ATRNL1: variants seen among roughly 807,000 people sequenced by gnomAD.
The protein encoded by ATRNL1 is attractin like 1, also known as attractin-like protein 1.
In ATRNL1, 95 loss-of-function variants were observed where a neutral mutation model predicts 182.7. The observed-to-expected ratio is 0.52, with a 90% CI of 0.44 to 0.62. The LOEUF is 0.62. ATRNL1 is among the 20% of genes least tolerant of loss of function. The pLI is 0.00. For missense variants in ATRNL1, 1,471 were observed against 1,679.5 expected, an observed-to-expected ratio of 0.88 and a Z score of 2.17; for synonymous variants, 576 against 568.3, an observed-to-expected ratio of 1.01 and a Z score of -0.19.
intron 28 of ATRNL1, among the ~76,000 whole-genome samples, chr10:115,854,386 A>C (rs918636583): frequency 6.6e-6 from 1 of 152,088 alleles, no homozygotes; most frequent in Non-Finnish European, 1.5e-5. Flanking sequence ...CCCACTTAGA[A>C]TTCACTTAGT....
At chr10:115,373,257 G>A (rs1196397849) in intron 19 of ATRNL1, among the ~76,000 whole-genome samples, 1 of 151,952 alleles carries the variant, frequency 6.6e-6, no homozygotes, top group Non-Finnish European at 1.5e-5. Context: ...ATTTCTAATG[G>A]GTTTTTGGTG....
chr10:115,666,724 T>A (rs137898703), intron 26 of ATRNL1, among the ~76,000 whole-genome samples: 17 of 152,204 alleles, frequency 1.1e-4, no homozygotes, highest in African/African-American at 3.9e-4. Flanking sequence ...AAATCCTCAG[T>A]AGGCACAGTA....
chr10:115,667,567 G>A (rs1439792181), intron 26 of ATRNL1, among the ~76,000 whole-genome samples: 2 of 151,974 alleles, frequency 1.3e-5, no homozygotes, highest in Admixed American at 1.3e-4. Flanking sequence ...GGTTCAAGAG[G>A]AGGAAAGTAC....
intron 27 of ATRNL1, among the ~76,000 whole-genome samples, chr10:115,835,112 G>A (rs1950640366): frequency 6.6e-6 from 1 of 152,036 alleles, no homozygotes; most frequent in African/African-American, 2.4e-5. Flanking sequence ...AGTTTTCCAA[G>A]AGACAATATG....
intron 13 of ATRNL1, among the ~76,000 whole-genome samples, chr10:115,275,161 G>A (rs1266159353): frequency 6.6e-6 from 1 of 152,162 alleles, no homozygotes; most frequent in Non-Finnish European, 1.5e-5. Context: ...CAAGGAACCG[G>A]TGTGAGTTTT....
At chr10:115,764,337 A>T (rs967388737) in intron 27 of ATRNL1, among the ~76,000 whole-genome samples, 5 of 152,124 alleles carry the variant, frequency 3.3e-5, no homozygotes, top group South Asian at 2.1e-4. Context: ...CATTGTTTAC[A>T]CTAGAGTTCA....
chr10:115,349,451 A>T (rs1482988872), intron 19 of ATRNL1, among the ~76,000 whole-genome samples: 1 of 152,158 alleles, frequency 6.6e-6, no homozygotes, highest in East Asian at 1.9e-4. Context: ...TGATATACTG[A>T]TTTTCCTTCT....
intron 20 of ATRNL1, among the ~76,000 whole-genome samples, chr10:115,401,836 C>T (rs1212886919): frequency 1.3e-5 from 2 of 152,072 alleles, no homozygotes; most frequent in Non-Finnish European, 2.9e-5. Flanking sequence ...GTAATTTTAC[C>T]ATGTAGTTTC....
chr10:115,699,775 A>G (rs1467492351), intron 26 of ATRNL1, among the ~76,000 whole-genome samples: 5 of 152,152 alleles, frequency 3.3e-5, no homozygotes, highest in African/African-American at 1.2e-4. Context: ...TTGGGATACC[A>G]TTGACCCCGT....
intron 20 of ATRNL1, among the ~76,000 whole-genome samples, chr10:115,419,673 A>G (rs1440624183): frequency 2.0e-5 from 3 of 152,234 alleles, no homozygotes; most frequent in African/African-American, 7.2e-5. Context: ...GTAAAAAGAG[A>G]CAAGGCCATT....
At chr10:115,758,052 A>G (rs2134136850) in intron 27 of ATRNL1, among the ~76,000 whole-genome samples, 1 of 151,978 alleles carries the variant, frequency 6.6e-6, no homozygotes, top group East Asian at 2.0e-4. Context: ...TCTAGTTAAC[A>G]ATTCATATAA....
At chr10:115,612,616 T>A (rs1857221998) in intron 26 of ATRNL1, among the ~76,000 whole-genome samples, 2 of 152,228 alleles carry the variant, frequency 1.3e-5, no homozygotes, top group Non-Finnish European at 2.9e-5. Context: ...GGAGACAGTA[T>A]GTCAGGCAAG....
chr10:115,368,294 G>A (rs1294276368), intron 19 of ATRNL1, among the ~76,000 whole-genome samples: 4 of 152,170 alleles, frequency 2.6e-5, no homozygotes, highest in African/African-American at 7.2e-5. Context: ...TTTTCCAGGT[G>A]CGTCCGTCAC....
At chr10:115,770,060 T>C (rs1948949769) in intron 27 of ATRNL1, among the ~76,000 whole-genome samples, 1 of 151,994 alleles carries the variant, frequency 6.6e-6, no homozygotes, top group Admixed American at 6.6e-5. Flanking sequence ...TTCTCTTTCT[T>C]AAAGAAGACC....
chr10:115,106,486 G>T (rs1844017254), intron 1 of ATRNL1, among the ~76,000 whole-genome samples: 1 of 152,118 alleles, frequency 6.6e-6, no homozygotes. Context: ...AGGGGCCAGG[G>T]GCAGAATGAT....
intron 8 of ATRNL1, among the ~76,000 whole-genome samples, chr10:115,204,073 T>C (rs1554893183): frequency 6.6e-6 from 1 of 152,026 alleles, no homozygotes; most frequent in African/African-American, 2.4e-5. Flanking sequence ...TGTAAAGGGA[T>C]CTTTTTTGGT....
At chr10:115,098,301 C>G (rs2085066336) in intron 1 of ATRNL1, among the ~76,000 whole-genome samples, 1 of 152,092 alleles carries the variant, frequency 6.6e-6, no homozygotes, top group South Asian at 2.1e-4. Context: ...CTCCTTTCCT[C>G]TGCCCTGACT....
chr10:115,253,950 G>A (rs912253595), intron 10 of ATRNL1, among the ~76,000 whole-genome samples: 7 of 152,184 alleles, frequency 4.6e-5, no homozygotes, highest in East Asian at 1.9e-4. Flanking sequence ...CCATGTCCCT[G>A]CAAAGGACAT....
intron 26 of ATRNL1, among the ~76,000 whole-genome samples, chr10:115,667,207 C>G (rs1555039935): frequency 6.6e-6 from 1 of 152,048 alleles, no homozygotes; most frequent in Non-Finnish European, 1.5e-5. Flanking sequence ...AGTATGAGAT[C>G]AGGATATTGT....
Sources: allele counts gnomAD v4.1 joint callset (sites outside exome capture counted in the v4.1 genomes callset), GRCh38; gene constraint gnomAD v4.1.1; transcripts MANE v1.5; gene names NCBI Gene and HGNC (gene_info 2026-07-23, HGNC 2026-07-21).